The following COIL variants were observed in gnomAD, a reference collection of about 807,000 sequenced individuals.
COIL encodes the protein coilin p80.
Under a neutral mutation model 51.6 loss-of-function variants are expected in COIL, and 28 were observed. That is an observed-to-expected ratio of 0.54 (90% CI 0.40 to 0.74). The LOEUF (loss-of-function observed/expected upper bound fraction) is 0.74, where lower values mean the gene tolerates loss of function less well. Among genes scored for constraint, COIL ranks in the 30% least tolerant of loss-of-function variants. The probability of loss-of-function intolerance (pLI) is 0.00; values close to 1 mark genes in which losing one functional copy is unlikely to be tolerated. For synonymous variants in COIL, 233 were observed against 255.8 expected, an observed-to-expected ratio of 0.91 and a Z score of 0.85; for missense variants, 667 against 685.9, an observed-to-expected ratio of 0.97 and a Z score of 0.31.
In COIL at chr17:56,950,654, CT is replaced by C. The variant is rs748995811; in HGVS notation, c.587del (p.Lys196ArgfsTer13). 6.2e-6 allele frequency: 10 copies of C among 1,610,046 alleles called. No homozygotes were observed. The highest frequency in any genetic ancestry group is 4.4e-5 in the South Asian group (4 of 90,006). ...KKKEKCEYKKKAKNPKSPKVQ... is the reference protein window; with the variant it reads ...KKKEKCEYKKXAKNPKSPKVQ... ...CTTTCGGAGACTTGGGATTCTTAGC[CT>C]TTTTTTTATATTCACATTTCTCCTT... On this transcript the variant is annotated frameshift_variant, in exon 2 of 7. Transcript: ENST00000240316. LOFTEE classifies it high-confidence loss of function.
intron 5 of COIL, among the ~76,000 whole-genome samples, chr17:56,943,463 T>C (rs914273375): frequency 4.6e-5 from 7 of 152,222 alleles, no homozygotes; most frequent in African/African-American, 1.7e-4. Context: ...ACCACTTTTG[T>C]TTCTTTGCTG....
intron 5 of COIL, among the ~76,000 whole-genome samples, chr17:56,946,104 A>C (rs1455679022): frequency 6.6e-6 from 1 of 152,144 alleles, no homozygotes; most frequent in African/African-American, 2.4e-5. Flanking sequence ...AATTCCTCCC[A>C]ATCTTTTATA....
chr17:56,949,440 A>G lies in COIL; in HGVS notation c.1441-6T>C. 6.2e-7 allele frequency: 1 copy of G among 1,604,168 alleles called. No individual in the cohort carries two copies. Among genetic ancestry groups the G allele is most frequent in the African/African-American group, 1.3e-5 (1 of 74,108 alleles). On this transcript the variant is annotated splice_region_variant and splice_polypyrimidine_tract_variant and intron_variant, in intron 3 of 6. Coordinates refer to ENST00000240316, the MANE Select transcript of COIL (RefSeq NM_004645.3). Reference sequence around the variant, plus strand: ...CTGGATGTTAGCTCCAAAAGCTAAAAAAGAAGAAAAAACCCACAAATACAT... The same window carrying G: ...CTGGATGTTAGCTCCAAAAGCTAAAGAAGAAGAAAAAACCCACAAATACAT...
chr17:56,960,689 A>T (rs1598101446), intron 1 of COIL, 86 bp downstream of exon 1: 2 of 502,688 alleles, frequency 4.0e-6, no homozygotes, highest in East Asian at 7.2e-5. Flanking sequence ...CTCCACTACC[A>T]GGTCTAGCGG....
In COIL at chr17:56,950,711, G is replaced by A. The variant is rs137906071; in HGVS notation, c.531C>T (p.Asn177=). ...TTGGTGATTTTCTTTTGGCCTCTTCGTTATCATCACCCACTGTGCCACAGG... is the reference window on the plus strand; with the variant it reads ...TTGGTGATTTTCTTTTGGCCTCTTCATTATCATCACCCACTGTGCCACAGG... ...KATCGTVGDD[N]EEAKRKSPKK... is the part of the protein sequence containing the mutation. Residue 177 remains asparagine (N), a synonymous_variant, in exon 2 of 7, where the codon AAC becomes AAT. Transcript: ENST00000240316. 5.6e-5 allele frequency: 90 copies of A among 1,611,944 alleles called. No homozygotes were observed. The highest frequency in any genetic ancestry group is 4.9e-4 in the Middle Eastern group (3 of 6,076).
chr17:56,944,264 G>A (rs1049068247), intron 5 of COIL, among the ~76,000 whole-genome samples: 4 of 152,066 alleles, frequency 2.6e-5, no homozygotes, highest in Middle Eastern at 3.2e-3. Context: ...TCCTAAGAAA[G>A]GGGATTTCTA....
Position 56,942,103 on chromosome 17 carries a change from A to C in COIL, c.1579T>G (p.Phe527Val). Residue 527 changes from phenylalanine to valine, a missense_variant, in exon 6 of 7, where the codon TTT becomes GTT. By Grantham distance (50) the Phe-to-Val change is conservative (BLOSUM62 -1). Coordinates refer to ENST00000240316, the MANE Select transcript of COIL (RefSeq NM_004645.3). ...SLPALREPGK[F>V]DLVYHNENGA... Reference sequence around the variant, plus strand: ...TTTTCATTGTGATAAACTAAATCAAATTTCCCAGGTTCTCTCAAGGCTGAA... The same window carrying C: ...TTTTCATTGTGATAAACTAAATCAACTTTCCCAGGTTCTCTCAAGGCTGAA... The C allele has an allele frequency of 6.2e-7, 1 of 1,614,120 alleles. No homozygotes were observed. The highest frequency in any genetic ancestry group is 8.5e-7 in the Non-Finnish European group (1 of 1,179,950).
Position 56,961,040 on chromosome 17 carries a change from A to AGCCGAGAGATACCACGGGGCC in COIL, c.-22_-21insGGCCCCGTGGTATCTCTCGGC. The AGCCGAGAGATACCACGGGGCC allele has an allele frequency of 6.2e-7, 1 of 1,610,260 alleles. No homozygotes were observed. Among genetic ancestry groups the AGCCGAGAGATACCACGGGGCC allele is most frequent in the Non-Finnish European group, 8.5e-7 (1 of 1,178,742 alleles). ...GCCATCTTGCTTGGTGCTCAACGGA[A>AGCCGAGAGATACCACGGGGCC]GCCGAGAGATACCACGGGGCCACCG... On this transcript the variant is annotated 5_prime_UTR_variant, in exon 1 of 7. Transcript: ENST00000240316.
chr17:56,955,640 T>C (rs887725299), intron 1 of COIL, among the ~76,000 whole-genome samples: 1 of 152,184 alleles, frequency 6.6e-6, no homozygotes, highest in African/African-American at 2.4e-5. Context: ...ATAATTACAG[T>C]ACTCAGTGAC....
rs1007374960 is a variant in COIL, at chr17:56,943,863, ATTTC to A, written c.1559-1744_1559-1741del. Among the ~76,000 whole-genome samples, 12 of 151,946 alleles carry A rather than the reference ATTTC, an allele frequency of 7.9e-5. No homozygotes were observed. The East Asian group carries it at 1.2e-3, about 15-fold the overall frequency. On this transcript the variant is annotated intron_variant, in intron 5 of 6. Transcript: ENST00000240316. ...TTGCTATTAGAGAACAGATAAATCC[ATTTC>A]TTTCTTTCTTTTTTGCTTTTGAGAC...
At chr17:56,948,290 A>G (rs989979048) in intron 4 of COIL, among the ~76,000 whole-genome samples, 5 of 151,406 alleles carry the variant, frequency 3.3e-5, no homozygotes, top group African/African-American at 1.2e-4. Flanking sequence ...ACCCGCCACC[A>G]TGCCCCGCTA....
At chr17:56,949,788 T>C (rs113864081) in intron 2 of COIL, 21 bp from the exon 3 acceptor site, 3 of 1,612,404 alleles carry the variant, frequency 1.9e-6, no homozygotes, top group Middle Eastern at 1.6e-4. Context: ...GTGTTAGTCA[T>C]GTGACATCAT....
chr17:56,955,648 G>T (rs145019599), intron 1 of COIL, among the ~76,000 whole-genome samples: 1 of 152,138 alleles, frequency 6.6e-6, no homozygotes, highest in Non-Finnish European at 1.5e-5. Context: ...AGTACTCAGT[G>T]ACTTATTATG....
Position 56,950,602 on chromosome 17 carries a change from G to A in COIL, c.640C>T (p.Gln214Ter). 6.2e-7 allele frequency: 1 copy of A among 1,614,168 alleles called. No individual in the cohort carries two copies. Among genetic ancestry groups the A allele is most frequent in the Non-Finnish European group, 8.5e-7 (1 of 1,180,008 alleles). ...GAACCTTTTGGAGAACTACATCTCT[G>A]ATTGGCCCAGTCTTTCACTGCCTGT... ...KVQAVKDWAN[Q>*]RCSSPKGSAR... Residue 214 changes from glutamine to a stop codon, truncating the protein, a stop_gained, in exon 2 of 7, where the codon CAG (glutamine) becomes TAG (stop). Coordinates refer to ENST00000240316, the MANE Select transcript of COIL (RefSeq NM_004645.3). LOFTEE classifies it high-confidence loss of function.
rs143456193 is a variant in COIL, at chr17:56,949,899, G to A, written c.1343C>T (p.Thr448Ile). ...QLNDVVKNSSTIIQNPVETPK... is the reference protein window; with the variant it reads ...QLNDVVKNSSIIIQNPVETPK... ...AAAAATAATACTTACCTGGATAATA[G>A]TAGATGAATTTTTTACCACGTCATT... The change falls in exon 2 of 7, where the codon ACT (threonine) becomes ATT (isoleucine). Residue 448 changes from threonine (T) to isoleucine (I), a missense_variant. Transcript: ENST00000240316. 52 of 1,611,924 alleles carry A rather than the reference G, an allele frequency of 3.2e-5. No individual in the cohort carries two copies. Among genetic ancestry groups the A allele is most frequent in the Non-Finnish European group, 4.2e-5 (50 of 1,179,854 alleles).
At chr17:56,942,158 T>C in intron 5 of COIL, 35 bp from the exon 6 acceptor site, 1 of 1,523,010 alleles carries the variant, frequency 6.6e-7, no homozygotes. Flanking sequence ...AGAGAGTAAG[T>C]CATTTTTCAA....
chr17:56,955,943 C>A (rs1328377551), intron 1 of COIL, among the ~76,000 whole-genome samples: 2 of 152,044 alleles, frequency 1.3e-5, no homozygotes, highest in African/African-American at 4.8e-5. Context: ...ATGTAGCAAA[C>A]AGAAAAGAAT....
chr17:56,944,509 G>A (rs916618669), intron 5 of COIL, among the ~76,000 whole-genome samples: 3 of 151,720 alleles, frequency 2.0e-5, no homozygotes, highest in Non-Finnish European at 1.5e-5. Context: ...GGAGAATGGC[G>A]TGAACCCGGG....
chr17:56,946,344 T>A, intron 5 of COIL, 98 bp downstream of exon 5: 1 of 780,588 alleles, frequency 1.3e-6, no homozygotes, highest in South Asian at 1.8e-5. Context: ...GCCAGTTATA[T>A]GGAGGCCAAG....
Sources: gnomAD v4.1 joint callset for allele counts (sites outside exome capture counted in the v4.1 genomes callset) on GRCh38, gnomAD v4.1.1 for gene constraint, MANE v1.5 for transcripts, NCBI Gene and HGNC (gene_info 2026-07-23, HGNC 2026-07-21) for gene names.